KANK1: variants seen among roughly 807,000 people sequenced by gnomAD.
KANK1 encodes KN motif and ankyrin repeat domain-containing protein 1.
In KANK1, 109 loss-of-function variants were observed where a neutral mutation model predicts 106.2. That is an observed-to-expected ratio of 1.03 (90% CI 0.88 to 1.20). The LOEUF (loss-of-function observed/expected upper bound fraction) is 1.20. Ranked by LOEUF, KANK1 falls within the 50% of genes most tolerant of loss-of-function variation. The pLI is 0.00. For missense variants in KANK1, 2,399 were observed against 1,710.7 expected (o/e 1.40, Z -7.10); for synonymous variants, 873 against 652.2 (o/e 1.34, Z -5.16).
intron 1 of KANK1, among the ~76,000 whole-genome samples, chr9:626,326 A>G (rs1373256452): frequency 1.3e-5 from 2 of 151,986 alleles, no homozygotes; most frequent in Non-Finnish European, 2.9e-5. Context: ...GTGGTGGTAC[A>G]TGCCTGTAGT....
At chr9:679,439 G>A (rs983817013) in intron 2 of KANK1, among the ~76,000 whole-genome samples, 1 of 151,994 alleles carries the variant, frequency 6.6e-6, no homozygotes, top group Non-Finnish European at 1.5e-5. Context: ...TTTTGAGATG[G>A]AGTCTTGCTC....
intron 1 of KANK1, among the ~76,000 whole-genome samples, chr9:561,634 C>A (rs553767780): frequency 6.6e-6 from 1 of 152,106 alleles, no homozygotes; most frequent in South Asian, 2.1e-4. Flanking sequence ...TAATAGGAAC[C>A]GCATGTGTTA....
chr9:713,709 G>A (rs767284114), intron 3 of KANK1, among the ~76,000 whole-genome samples: 1 of 152,176 alleles, frequency 6.6e-6, no homozygotes, highest in Admixed American at 6.5e-5. Flanking sequence ...GTAAACTGGT[G>A]TTGGCTGGCC....
Position 727,700 on chromosome 9 carries a change from G to A in KANK1, c.2699-2351G>A, listed in dbSNP as rs1051004067. 2.1e-4 allele frequency among the ~76,000 whole-genome samples: 32 copies of A among 151,756 alleles called. No homozygotes were observed. The East Asian group carries it at 6.0e-3, about 28-fold the overall frequency. On this transcript the variant is annotated intron_variant, in intron 3 of 11. Transcript: ENST00000382297. Reference sequence around the variant, plus strand: ...TTTTCATGTGTGTGTGTGTGTGTGTGTGTGTGTGTGTGTGTGTATGTGTGT... The same window carrying A: ...TTTTCATGTGTGTGTGTGTGTGTGTATGTGTGTGTGTGTGTGTATGTGTGT...
At chr9:670,978 T>C (rs953184305) in intron 1 of KANK1, among the ~76,000 whole-genome samples, 2 of 102,914 alleles carry the variant, frequency 1.9e-5, no homozygotes, top group Non-Finnish European at 4.5e-5. Context: ...TTTTTTTTTT[T>C]ACTTCTCAGT....
Position 710,649 on chromosome 9 carries a change from C to T in KANK1, c.38-155C>T, listed in dbSNP as rs1200497773. Reference sequence around the variant, plus strand: ...AAAAAACAAAAAAAAACAAAAAAAACTTGCTTACCCAGCTGTTGTAGATCC... The same window carrying T: ...AAAAAACAAAAAAAAACAAAAAAAATTTGCTTACCCAGCTGTTGTAGATCC... On this transcript the variant is annotated intron_variant, in intron 2 of 11. Coordinates refer to ENST00000382297, the MANE Select transcript of KANK1 (RefSeq NM_015158.5). Among the ~76,000 whole-genome samples the T allele has an allele frequency of 3.7e-4, 49 of 130,972 alleles. 2 individuals are homozygous for T. The highest frequency in any genetic ancestry group is 7.9e-4 in the South Asian group (3 of 3,774). 85.9% of individuals were successfully genotyped at this position (130,972 alleles called of 152,430 possible).
At chr9:718,838 C>G (rs1267413846) in intron 3 of KANK1, among the ~76,000 whole-genome samples, 2 of 151,984 alleles carry the variant, frequency 1.3e-5, no homozygotes, top group African/African-American at 2.4e-5. Flanking sequence ...AAGCTACATG[C>G]TTTTCCTCAC....
rs7874697 is a variant in KANK1 at position 691,404 on chromosome 9, G to T, written c.37+14395G>T. 2.9e-3 allele frequency among the ~76,000 whole-genome samples: 435 copies of T among 149,674 alleles called. 1 individual carries two copies. The highest frequency in any genetic ancestry group is 0.01 in the African/African-American group (424 of 40,852). On this transcript the variant is annotated intron_variant, in intron 2 of 11. Transcript: ENST00000382297. ...GTTTTAAAATTGTATGTGTGTGTGT[G>T]TATATATATATATATTTATTTATTA...
intron 1 of KANK1, among the ~76,000 whole-genome samples, chr9:616,846 G>T (rs1831958460): frequency 2.0e-5 from 3 of 152,170 alleles, no homozygotes; most frequent in African/African-American, 7.2e-5. Context: ...TTCCACACTA[G>T]CCCTTAAAAC....
chr9:624,834 G>A (rs1351077727), intron 1 of KANK1, among the ~76,000 whole-genome samples: 6 of 152,034 alleles, frequency 3.9e-5, no homozygotes, highest in Middle Eastern at 3.4e-3. Flanking sequence ...CTTTAAAAAC[G>A]CAATGAAAAA....
intron 1 of KANK1, among the ~76,000 whole-genome samples, chr9:524,003 A>G (rs1303760987): frequency 6.6e-6 from 1 of 151,722 alleles, no homozygotes; most frequent in African/African-American, 2.4e-5. Context: ...AGACACTTAA[A>G]TAGGTATTTG....
intron 9 of KANK1, 101 bp downstream of exon 9, chr9:741,035 C>T (rs1835344302): frequency 7.4e-7 from 1 of 1,346,728 alleles, no homozygotes; most frequent in Non-Finnish European, 1.0e-6. Flanking sequence ...CACGCTTCCA[C>T]CACAGTGCAC....
At chr9:640,949 G>T (rs905615502) in intron 1 of KANK1, among the ~76,000 whole-genome samples, 1 of 152,098 alleles carries the variant, frequency 6.6e-6, no homozygotes, top group African/African-American at 2.4e-5. Context: ...GCCCGCCTCG[G>T]CCTCCCAAAG....
At chr9:610,069 C>T (rs1342502504) in intron 1 of KANK1, among the ~76,000 whole-genome samples, 1 of 152,082 alleles carries the variant, frequency 6.6e-6, no homozygotes, top group Non-Finnish European at 1.5e-5. Flanking sequence ...AACTGACTTT[C>T]TCATGTTTAA....
intron 1 of KANK1, among the ~76,000 whole-genome samples, chr9:626,367 A>G (rs1834344845): frequency 6.6e-6 from 1 of 152,114 alleles, no homozygotes; most frequent in South Asian, 2.1e-4. Flanking sequence ...AGGCGGGAGA[A>G]TTGCTTGAAT....
intron 7 of KANK1, 60 bp from the exon 8 acceptor site, chr9:738,225 C>T: frequency 1.4e-6 from 2 of 1,390,364 alleles, no homozygotes; most frequent in East Asian, 2.4e-5. Flanking sequence ...CTTGTGCTTT[C>T]AACTAGGTCT....
intron 1 of KANK1, among the ~76,000 whole-genome samples, chr9:607,002 C>T (rs1829366180): frequency 6.6e-6 from 1 of 151,344 alleles, no homozygotes; most frequent in African/African-American, 2.4e-5. Context: ...TATTTTATGC[C>T]CACGGAAAAC....
Position 521,233 on chromosome 9 carries a change from G to T in KANK1, c.-84+16479G>T, listed in dbSNP as rs2059534604. Among the ~76,000 whole-genome samples the T allele has an allele frequency of 1.3e-5, 2 of 151,758 alleles. 1 individual carries two copies. The highest frequency in any genetic ancestry group is 4.9e-5 in the African/African-American group (2 of 41,042). On this transcript the variant is annotated intron_variant, in intron 1 of 11. Transcript: ENST00000382297. Reference sequence around the variant, plus strand: ...TGGTTATTCACCATCTACATGTTGAGATTCTTTTTGTGGGGGATCTTGGCC... The same window carrying T: ...TGGTTATTCACCATCTACATGTTGATATTCTTTTTGTGGGGGATCTTGGCC...
At chr9:637,320 C>G (rs1193284176) in intron 1 of KANK1, among the ~76,000 whole-genome samples, 1 of 152,162 alleles carries the variant, frequency 6.6e-6, no homozygotes, top group African/African-American at 2.4e-5. Context: ...CTTTCATCAT[C>G]TGTGACAGTA....
Sources: allele counts gnomAD v4.1 joint callset (sites outside exome capture counted in the v4.1 genomes callset), GRCh38; gene constraint gnomAD v4.1.1; transcripts MANE v1.5; gene names NCBI Gene and HGNC (gene_info 2026-07-23, HGNC 2026-07-21).